The following SYTL4 variants were observed in gnomAD, a reference collection of about 807,000 sequenced individuals.
SYTL4 encodes the protein synaptotagmin like 4.
SYTL4 carries 16 observed loss-of-function variants against 52.7 expected under a neutral mutation model. That is an observed-to-expected ratio of 0.30 (90% confidence interval 0.21 to 0.46). SYTL4 has a LOEUF of 0.46. Ranked by LOEUF, SYTL4 falls within the 20% of genes least tolerant of loss-of-function variation. SYTL4 has a pLI of 1.00. For missense variants in SYTL4, 423 were observed against 519.9 expected (o/e 0.81, Z 1.81); for synonymous variants, 160 against 186.6 (o/e 0.86, Z 1.16).
In SYTL4 at chrX:100,721,935, G is replaced by A. The variant is rs777128545; in HGVS notation, c.-240+9483C>T. Among the ~76,000 whole-genome samples, 126 of 110,086 alleles carry A rather than the reference G, an allele frequency of 1.1e-3. No homozygotes were observed. The Middle Eastern group carries it at 0.028, about 25-fold the overall frequency. On this transcript the variant is annotated intron_variant, in intron 2 of 19. Coordinates refer to ENST00000372989, the MANE Select transcript of SYTL4 (RefSeq NM_001370165.1). ...TCCTGCCTCAGCCTCCCAAGTAGCT[G>A]GGATTACAGGTGTGCGCCACCATGC...
At chrX:100,688,788 C>T (rs1435381995) in intron 12 of SYTL4, among the ~76,000 whole-genome samples, 1 of 109,102 alleles carries the variant, frequency 9.2e-6, no homozygotes, top group Non-Finnish European at 1.9e-5. Context: ...TGGTCTCAAA[C>T]TCCTGATCTC....
intron 16 of SYTL4, among the ~76,000 whole-genome samples, chrX:100,682,647 C>T (rs1239998905): frequency 9.0e-6 from 1 of 110,548 alleles, no homozygotes; most frequent in African/African-American, 3.3e-5. Flanking sequence ...GCGGAGGTTG[C>T]AGTGAGCCAA....
chrX:100,704,428 C>CAAG (rs1463977571), intron 3 of SYTL4, among the ~76,000 whole-genome samples: 2 of 112,092 alleles, frequency 1.8e-5, no homozygotes, highest in Non-Finnish European at 3.8e-5. Flanking sequence ...AGCCAGGCAG[C>CAAG]AAGAAAAAAC....
At chrX:100,701,168 C>A in intron 7 of SYTL4, 52 bp downstream of exon 7, 1 of 1,041,655 alleles carries the variant, frequency 9.6e-7, no homozygotes, top group Non-Finnish European at 1.3e-6. Flanking sequence ...TGCTACCAGT[C>A]AGAATACACT....
At chrX:100,691,278 C>A in intron 8 of SYTL4, 69 bp from the exon 9 acceptor site, 1 of 745,234 alleles carries the variant, frequency 1.3e-6, no homozygotes. Flanking sequence ...GGCCTCTTTC[C>A]AATCCATTCA....
In SYTL4 at chrX:100,686,134, A is replaced by G; in HGVS notation, c.1305T>C (p.Ser435=). 1 of 1,207,585 alleles carries G rather than the reference A, an allele frequency of 8.3e-7. No homozygotes were observed. The highest frequency in any genetic ancestry group is 1.1e-6 in the Non-Finnish European group (1 of 893,652). Residue 435 remains serine, a synonymous_variant, in exon 16 of 20, where the codon TCT becomes TCC. Coordinates refer to ENST00000372989, the MANE Select transcript of SYTL4 (RefSeq NM_001370165.1). ...ACTGCAGGGTCCTCTGGGCCAGGAG[A>G]GATTCTGGGATCTCATACTGTGAAG... is the stretch of plus-strand genomic sequence containing the variant. The part of the protein sequence containing the change: ...DETLRYEIPE[S]LLAQRTLQFS...
intron 2 of SYTL4, among the ~76,000 whole-genome samples, chrX:100,724,680 G>C (rs1473046164): frequency 2.9e-5 from 3 of 101,855 alleles, no homozygotes; most frequent in Non-Finnish European, 6.0e-5. Flanking sequence ...CAGCATGCTC[G>C]TTAAGAGTCA....
chrX:100,682,638 C>T (rs1282413846), intron 16 of SYTL4, among the ~76,000 whole-genome samples: 2 of 110,401 alleles, frequency 1.8e-5, no homozygotes, highest in East Asian at 5.7e-4. Flanking sequence ...ACCCAGGAGG[C>T]GGAGGTTGCA....
chrX:100,723,533 G>C (rs1023403366), intron 2 of SYTL4, among the ~76,000 whole-genome samples: 7 of 111,756 alleles, frequency 6.3e-5, no homozygotes, highest in South Asian at 7.5e-4. Flanking sequence ...GCCTCTGCCC[G>C]GCCGCCACCC....
In SYTL4 at chrX:100,701,507, T is replaced by A. The variant is rs759492462; in HGVS notation, c.277A>T (p.Ile93Leu). The change falls in exon 6 of 20, where the codon ATA (isoleucine) becomes TTA (leucine). Residue 93 changes from isoleucine to leucine, a missense_variant. By Grantham distance (5) the Ile-to-Leu change is conservative. Coordinates refer to ENST00000372989, the MANE Select transcript of SYTL4 (RefSeq NM_001370165.1). ...CNHLVCRDCR[I>L]QESNGTWRCK... ...CTCCAGGTACCATTGCTTTCCTGTATGCGGCAGTCCCGACACACCAGGTGA... is the reference window on the plus strand; with the variant it reads ...CTCCAGGTACCATTGCTTTCCTGTAAGCGGCAGTCCCGACACACCAGGTGA... 3 of 1,210,239 alleles carry A rather than the reference T, an allele frequency of 2.5e-6. No homozygotes were observed. In the African/African-American group the frequency reaches 5.2e-5, roughly 21 times the overall value.
At chrX:100,683,127 G>C (rs72615558) in intron 16 of SYTL4, among the ~76,000 whole-genome samples, 2 of 85,790 alleles carry the variant, frequency 2.3e-5, no homozygotes, top group African/African-American at 4.5e-5. Flanking sequence ...CCTTTCACCT[G>C]CCTGTATTTT....
chrX:100,678,116 A>G (rs1352290357), intron 19 of SYTL4, among the ~76,000 whole-genome samples: 1 of 111,171 alleles, frequency 9.0e-6, no homozygotes, highest in Non-Finnish European at 1.9e-5. Flanking sequence ...AGGTACATAC[A>G]TATAGGTAGG....
At chrX:100,724,691 T>C (rs1329982679) in intron 2 of SYTL4, among the ~76,000 whole-genome samples, 6 of 102,750 alleles carry the variant, frequency 5.8e-5, no homozygotes, top group Non-Finnish European at 1.2e-4. Context: ...TTAAGAGTCA[T>C]CACCACTCCC....
At chrX:100,723,614 GC>G (rs1338308012) in intron 2 of SYTL4, among the ~76,000 whole-genome samples, 1 of 110,643 alleles carries the variant, frequency 9.0e-6, no homozygotes, top group East Asian at 2.9e-4. Flanking sequence ...CCTCATCCCG[GC>G]CGCCATCCCA....
chrX:100,729,968 A>G (rs1445529664), intron 2 of SYTL4, among the ~76,000 whole-genome samples: 2 of 110,949 alleles, frequency 1.8e-5, no homozygotes, highest in South Asian at 3.9e-4. Context: ...ATCCTTGTCT[A>G]TGGTACTCCA....
chrX:100,692,229 A>AGG (rs2083613028), intron 8 of SYTL4, among the ~76,000 whole-genome samples: 1 of 111,752 alleles, frequency 8.9e-6, no homozygotes, highest in Non-Finnish European at 1.9e-5. Context: ...ATTTCCTAGT[A>AGG]ACAGTCACCA....
At chrX:100,688,294 C>A in intron 13 of SYTL4, 57 bp downstream of exon 13, 1 of 1,035,907 alleles carries the variant, frequency 9.7e-7, no homozygotes, top group Non-Finnish European at 1.4e-6. Context: ...TAGGGAGGTG[C>A]TTCTTTTCTT....
intron 2 of SYTL4, among the ~76,000 whole-genome samples, chrX:100,705,184 T>C (rs1602855539): frequency 8.9e-6 from 1 of 112,269 alleles, no homozygotes; most frequent in East Asian, 2.8e-4. Flanking sequence ...GCAATCACTG[T>C]CATTGTCACC....
At chrX:100,728,883 A>G in intron 2 of SYTL4, among the ~76,000 whole-genome samples, 1 of 110,392 alleles carries the variant, frequency 9.1e-6, no homozygotes, top group East Asian at 2.8e-4. Context: ...TAAAAACACA[A>G]AAAGCTAGCC....
Sources: gnomAD v4.1 joint callset for allele counts (sites outside exome capture counted in the v4.1 genomes callset) on GRCh38, gnomAD v4.1.1 for gene constraint, MANE v1.5 for transcripts, NCBI Gene and HGNC (gene_info 2026-07-23, HGNC 2026-07-21) for gene names.